Variants in ERN1 observed in about 807,000 individuals in gnomAD.
ERN1 encodes the protein endoplasmic reticulum to nucleus signaling 1.
Under a neutral mutation model 113.1 loss-of-function variants are expected in ERN1, and 39 were observed. The ratio of observed to expected loss-of-function variants is 0.34; its 90% CI spans 0.27 to 0.45. ERN1 has a LOEUF of 0.45. Among genes scored for constraint, ERN1 ranks in the 20% least tolerant of loss-of-function variants. The pLI, the probability that ERN1 is intolerant of heterozygous loss-of-function variation, is 1.00. For missense variants in ERN1, 976 were observed against 1,274.8 expected, an observed-to-expected ratio of 0.77 and a Z score of 3.57; for synonymous variants, 507 against 515.9, an observed-to-expected ratio of 0.98 and a Z score of 0.23.
At chr17:64,102,322 A>C (rs145549519) in intron 1 of ERN1, among the ~76,000 whole-genome samples, 1 of 152,268 alleles carries the variant, frequency 6.6e-6, no homozygotes, top group East Asian at 1.9e-4. Flanking sequence ...TCACATGACT[A>C]ATTTAGTCTT....
chr17:64,118,548 G>A (rs1280329128), intron 1 of ERN1, among the ~76,000 whole-genome samples: 1 of 152,238 alleles, frequency 6.6e-6, no homozygotes, highest in African/African-American at 2.4e-5. Context: ...CCCATTCCAA[G>A]GTTGTATTCA....
In ERN1 at chr17:64,045,361, G is replaced by C. The variant is rs758716509; in HGVS notation, c.2651C>G (p.Thr884Arg). ...WRENITVPLQ[T>R]DLRKFRTYKG... Reference sequence around the variant, plus strand: ...CTCACACGCTGCAGCATGATCACCTGTCTGGAGGGGGACAGTGATGTTCTC... The same window carrying C: ...CTCACACGCTGCAGCATGATCACCTCTCTGGAGGGGGACAGTGATGTTCTC... The change falls in exon 20 of 22, where the codon ACA becomes AGA. Residue 884 changes from threonine to arginine, a missense_variant and splice_region_variant. Physicochemically the swap from Thr to Arg is moderately conservative, Grantham distance 71 (BLOSUM62 -1). This residue lies in a region of ERN1 where 297 missense variants were observed against 457.8 expected (regional missense o/e 0.65). Transcript: ENST00000433197. 3.1e-6 allele frequency: 5 copies of C among 1,613,842 alleles called. No homozygotes were observed. In the South Asian group the frequency reaches 5.5e-5, roughly 18 times the overall value.
At chr17:64,127,678 C>T (rs908425530) in intron 1 of ERN1, among the ~76,000 whole-genome samples, 3 of 150,562 alleles carry the variant, frequency 2.0e-5, no homozygotes, top group East Asian at 2.0e-4. Flanking sequence ...CGCTTGAACC[C>T]GGGAGGCGGA....
intron 1 of ERN1, among the ~76,000 whole-genome samples, chr17:64,107,522 A>G (rs1914563087): frequency 6.6e-6 from 1 of 151,888 alleles, no homozygotes; most frequent in Admixed American, 6.6e-5. Context: ...GGGTCCTACT[A>G]TGTTGCCCAG....
intron 1 of ERN1, among the ~76,000 whole-genome samples, chr17:64,127,174 T>C (rs1417079570): frequency 6.6e-6 from 1 of 152,112 alleles, no homozygotes; most frequent in Non-Finnish European, 1.5e-5. Flanking sequence ...TAGCCTAAAG[T>C]CTCAACTCAT....
chr17:64,081,586 A>G (rs1427234781), intron 2 of ERN1, among the ~76,000 whole-genome samples: 1 of 152,342 alleles, frequency 6.6e-6, no homozygotes, highest in East Asian at 1.9e-4. Flanking sequence ...GTATTAATGC[A>G]ACTATGGGGA....
chr17:64,049,110 C>T lies in ERN1; in HGVS notation c.2346G>A (p.Gln782=). Residue 782 remains glutamine, a synonymous_variant, in exon 18 of 22, where the codon CAG becomes CAA. Transcript: ENST00000433197. This position sits in a 1 kb window ranked among gnomAD's most constrained non-coding sequence, Gnocchi z 4.7. The stretch of plus-strand genomic sequence containing the variant: ...TGCAGGCACCCAGGAGGATGTTGGC[C>T]TGCCGCTGCAGGGACTTGCCAAAAG... ...SHPFGKSLQR[Q]ANILLGACSL... The T allele has an allele frequency of 6.2e-7, 1 of 1,610,420 alleles. No homozygotes were observed. The highest frequency in any genetic ancestry group is 1.1e-5 in the South Asian group (1 of 90,904).
In ERN1 at chr17:64,055,657, G is replaced by A. The variant is rs1399537267; in HGVS notation, c.1672+18C>T. On this transcript the variant is annotated intron_variant, in intron 13 of 21. Coordinates refer to ENST00000433197, the MANE Select transcript of ERN1 (RefSeq NM_001433.5). ...CGAATAAAACATAAAATAGCACCAA[G>A]ATGGCAACTGGCTTTACCTCCATCG... 7.1e-6 allele frequency: 11 copies of A among 1,549,242 alleles called. No homozygotes were observed. Among genetic ancestry groups the A allele is most frequent in the Non-Finnish European group, 9.6e-6 (11 of 1,148,870 alleles).
chr17:64,129,866 G>A (rs2143523526), intron 1 of ERN1, 110 bp downstream of exon 1: 1 of 1,068,216 alleles, frequency 9.4e-7, no homozygotes. Flanking sequence ...GCATCTGGCC[G>A]CCGCCGTCGC....
intron 1 of ERN1, among the ~76,000 whole-genome samples, chr17:64,099,357 T>C (rs1914318951): frequency 6.6e-6 from 1 of 151,978 alleles, no homozygotes; most frequent in Non-Finnish European, 1.5e-5. Flanking sequence ...GGAGCAGGTG[T>C]GTGCGCACAT....
intron 1 of ERN1, among the ~76,000 whole-genome samples, chr17:64,109,584 T>C (rs1157055875): frequency 1.3e-5 from 2 of 152,306 alleles, no homozygotes; most frequent in East Asian, 3.9e-4. Context: ...TTTAAGTCCA[T>C]GCGGTTCCAC....
At position 64,064,016 on chromosome 17, in the gene ERN1, T is replaced by C; in HGVS notation, c.1057A>G (p.Asn353Asp). ...DPGLKSKNKL[N>D]YLRNYWLLIG... Reference sequence around the variant, plus strand: ...AGAAGCCAGTAATTCCTCAAGTAGTTGAGCTTGTTCTTGCTTTTGAGTCCG... The same window carrying C: ...AGAAGCCAGTAATTCCTCAAGTAGTCGAGCTTGTTCTTGCTTTTGAGTCCG... Residue 353 changes from asparagine (N) to aspartate (D), a missense_variant, in exon 10 of 22, where the codon AAC (asparagine) becomes GAC (aspartate). Around this residue, in one of 5 missense-constraint regions of ERN1, gnomAD observed 459 missense variants for 581.2 expected, o/e 0.79. Transcript: ENST00000433197. The C allele has an allele frequency of 6.2e-7, 1 of 1,610,016 alleles. No individual in the cohort carries two copies. The highest frequency in any genetic ancestry group is 8.5e-7 in the Non-Finnish European group (1 of 1,176,346).
chr17:64,072,495 C>T (rs1913451322), intron 5 of ERN1, among the ~76,000 whole-genome samples: 1 of 152,246 alleles, frequency 6.6e-6, no homozygotes, highest in Non-Finnish European at 1.5e-5. Context: ...GGGTTCATCT[C>T]CCTAATAACC....
In ERN1 at chr17:64,055,847, T is replaced by G. The variant is rs745442334; in HGVS notation, c.1500A>C (p.Pro500=). 9 of 1,554,170 alleles carry G rather than the reference T, an allele frequency of 5.8e-6. No individual in the cohort carries two copies. The highest frequency in any genetic ancestry group is 7.8e-6 in the Non-Finnish European group (9 of 1,148,686). Residue 500 remains proline (P), a synonymous_variant, in exon 13 of 22, where the codon CCA becomes CCC. Coordinates refer to ENST00000433197, the MANE Select transcript of ERN1 (RefSeq NM_001433.5). ...QQQQQQLPFH[P]PGDTAQDGEL... is the part of the protein sequence containing the mutation. ...CGCCGTCCTGAGCCGTGTCTCCAGG[T>G]GGGTGGAAGGGCAGCTGCTGCTGCT... is the stretch of plus-strand genomic sequence containing the variant.
At chr17:64,058,068 G>A (rs1912935081) in intron 11 of ERN1, 75 bp from the exon 12 acceptor site, 1 of 1,158,446 alleles carries the variant, frequency 8.6e-7, no homozygotes, top group South Asian at 1.6e-5. Context: ...ATCAAGAGAA[G>A]CAATCACTGT....
chr17:64,044,289 G>T lies in ERN1; in HGVS notation c.2722-89C>A. 1.1e-6 allele frequency: 1 copy of T among 913,918 alleles called. No homozygotes were observed. The highest frequency in any genetic ancestry group is 1.6e-6 in the Non-Finnish European group (1 of 627,526). 56.6% of individuals were successfully genotyped at this position (913,918 alleles called of 1,614,324 possible). A position where few individuals can be genotyped will look rare whatever the true frequency, so the allele number is the denominator to read the frequency against. ...AAACACCCTTTCATCATGCAAGGAA[G>T]AGACAGAATGTGAGTGTTGGTTTTT... On this transcript the variant is annotated intron_variant, in intron 21 of 21. Transcript: ENST00000433197. The surrounding 1 kb of genome is among the most constrained non-coding windows in gnomAD (Gnocchi z 4.1).
intron 6 of ERN1, among the ~76,000 whole-genome samples, chr17:64,068,656 C>G (rs1913315458): frequency 6.6e-6 from 1 of 152,320 alleles, no homozygotes; most frequent in Non-Finnish European, 1.5e-5. Context: ...GGCGCCATAA[C>G]AAACACCTAA....
chr17:64,070,591 G>A (rs1024324052), intron 6 of ERN1, among the ~76,000 whole-genome samples: 2 of 152,120 alleles, frequency 1.3e-5, no homozygotes, highest in Non-Finnish European at 2.9e-5. Flanking sequence ...AGGAGAGCCC[G>A]GCCAGCTTCT....
At chr17:64,116,256 G>A (rs1914800109) in intron 1 of ERN1, among the ~76,000 whole-genome samples, 1 of 152,130 alleles carries the variant, frequency 6.6e-6, no homozygotes, top group Non-Finnish European at 1.5e-5. Flanking sequence ...AATCAGATAA[G>A]TGATTGAACT....
Sources: gnomAD v4.1 joint callset for allele counts (sites outside exome capture counted in the v4.1 genomes callset) on GRCh38, gnomAD v4.1.1 for gene constraint, gnomAD v4.1.1 regional missense constraint, Gnocchi (gnomAD v3.1) non-coding constraint, MANE v1.5 for transcripts, NCBI Gene and HGNC (gene_info 2026-07-23, HGNC 2026-07-21) for gene names.